Variants in RNF182 observed in about 807,000 individuals in gnomAD.
RNF182 encodes E3 ubiquitin-protein ligase RNF182.
Under a neutral mutation model 14.4 loss-of-function variants are expected in RNF182, and 15 were observed. That is an observed-to-expected ratio of 1.04 (90% confidence interval 0.70 to 1.60). RNF182 has a LOEUF of 1.60. Ranked by LOEUF, RNF182 falls within the 40% of genes most tolerant of loss-of-function variation. The pLI is 0.00. For missense variants in RNF182, 268 were observed against 294.8 expected (o/e 0.91, Z 0.67); for synonymous variants, 128 against 122.9 (o/e 1.04, Z -0.27).
At chr6:13,950,946 G>A (rs2113613808) in intron 1 of RNF182, among the ~76,000 whole-genome samples, 1 of 148,840 alleles carries the variant, frequency 6.7e-6, no homozygotes, top group East Asian at 2.0e-4. Context: ...ACAGTCGTGT[G>A]CCACCACACC....
chr6:13,965,973 T>C (rs1191777100), intron 1 of RNF182, among the ~76,000 whole-genome samples: 2 of 152,194 alleles, frequency 1.3e-5, no homozygotes, highest in African/African-American at 2.4e-5. Context: ...TGAGTTTCAG[T>C]TCTTTGATAC....
rs1462526237 is a variant in RNF182 at position 13,978,924 on chromosome 6, A to G, written c.*1061A>G. On this transcript the variant is annotated 3_prime_UTR_variant, in exon 3 of 3. Coordinates refer to ENST00000488300, the MANE Select transcript of RNF182 (RefSeq NM_152737.4). ...GAACCTAAGTATTTTGCTGTACGGT[A>G]CTGAGCTGTACCAAAATATGATGGT... 6.0e-6 allele frequency: 1 copy of G among 167,104 alleles called. No individual in the cohort carries two copies. The highest frequency in any genetic ancestry group is 1.9e-4 in the East Asian group (1 of 5,198). The allele number at this position is 167,104 out of a possible 1,614,324, so 10.4% of individuals were successfully genotyped here.
chr6:13,970,138 A>G (rs1760138337), intron 1 of RNF182, among the ~76,000 whole-genome samples: 1 of 152,150 alleles, frequency 6.6e-6, no homozygotes, highest in African/African-American at 2.4e-5. Context: ...ACTGTTTATT[A>G]TTTTTATATG....
chr6:13,961,310 G>T (rs747718365), intron 1 of RNF182, among the ~76,000 whole-genome samples: 2 of 152,132 alleles, frequency 1.3e-5, no homozygotes, highest in African/African-American at 4.8e-5. Context: ...ATTTCTAGTC[G>T]CATCCATATA....
At chr6:13,926,962 C>G (rs183512749) in intron 1 of RNF182, among the ~76,000 whole-genome samples, 5 of 152,234 alleles carry the variant, frequency 3.3e-5, no homozygotes, top group African/African-American at 1.2e-4. Context: ...TGCTGAAGAA[C>G]GGAGATATCC....
intron 1 of RNF182, among the ~76,000 whole-genome samples, chr6:13,959,361 G>A (rs538948999): frequency 5.3e-5 from 8 of 152,256 alleles, no homozygotes; most frequent in African/African-American, 9.6e-5. Flanking sequence ...CAGATTATAC[G>A]GTACCTTGCT....
chr6:13,943,196 A>C (rs1394518738), intron 1 of RNF182, among the ~76,000 whole-genome samples: 1 of 152,206 alleles, frequency 6.6e-6, no homozygotes, highest in Non-Finnish European at 1.5e-5. Flanking sequence ...AAAAATATTT[A>C]ATAACATATA....
chr6:13,954,140 C>T (rs944852010), intron 1 of RNF182, among the ~76,000 whole-genome samples: 4 of 152,126 alleles, frequency 2.6e-5, no homozygotes, highest in Admixed American at 1.3e-4. Context: ...TTATCTGCCC[C>T]CCTCCCCATT....
intron 1 of RNF182, among the ~76,000 whole-genome samples, chr6:13,932,670 C>A (rs540677437): frequency 6.6e-6 from 1 of 152,216 alleles, no homozygotes; most frequent in African/African-American, 2.4e-5. Context: ...ACATTTCAAT[C>A]AAAATAAATC....
rs1349379010 is a variant in RNF182 at position 13,978,886 on chromosome 6, T to A, written c.*1023T>A. The A allele has an allele frequency of 1.2e-5, 2 of 167,038 alleles. No homozygotes were observed. Among genetic ancestry groups the A allele is most frequent in the African/African-American group, 4.8e-5 (2 of 41,422 alleles). 10.3% of individuals were successfully genotyped at this position (167,038 alleles called of 1,614,324 possible). The stretch of plus-strand genomic sequence containing the variant: ...GTTAATGAGATGCTTCAGCTCACAG[T>A]TTGAAGTGCTGAGAACCTAAGTATT... On this transcript the variant is annotated 3_prime_UTR_variant, in exon 3 of 3. Coordinates refer to ENST00000488300, the MANE Select transcript of RNF182 (RefSeq NM_152737.4).
At chr6:13,949,536 C>T in intron 1 of RNF182, 1 of 512,760 alleles carries the variant, frequency 2.0e-6, no homozygotes, top group South Asian at 2.2e-5. Flanking sequence ...TTGAGGGAAT[C>T]TGTGTTCTGC....
chr6:13,930,030 A>G (rs544542722), intron 1 of RNF182, among the ~76,000 whole-genome samples: 155 of 152,344 alleles, frequency 1.0e-3, no homozygotes, highest in African/African-American at 3.6e-3. Context: ...ATTCGTATTC[A>G]TATATTAAAA....
intron 2 of RNF182, among the ~76,000 whole-genome samples, chr6:13,975,930 A>G (rs748423450): frequency 6.6e-6 from 1 of 152,210 alleles, no homozygotes; most frequent in South Asian, 2.1e-4. Flanking sequence ...GCTCCCTTCC[A>G]TTAGTACTGA....
At chr6:13,950,684 A>T (rs1211400455) in intron 1 of RNF182, among the ~76,000 whole-genome samples, 1 of 151,992 alleles carries the variant, frequency 6.6e-6, no homozygotes, top group African/African-American at 2.4e-5. Context: ...TTTAGTAGAG[A>T]TGGGGCTTCA....
At chr6:13,951,991 A>T (rs1354045608) in intron 1 of RNF182, among the ~76,000 whole-genome samples, 1 of 152,158 alleles carries the variant, frequency 6.6e-6, no homozygotes, top group African/African-American at 2.4e-5. Flanking sequence ...GTCATCTTTG[A>T]TCCACTTAAA....
At chr6:13,957,867 C>T (rs1358743838) in intron 1 of RNF182, among the ~76,000 whole-genome samples, 1 of 152,102 alleles carries the variant, frequency 6.6e-6, no homozygotes, top group East Asian at 1.9e-4. Context: ...TACAGAGAAA[C>T]AATCCTATGA....
At chr6:13,929,706 T>C (rs1320266648) in intron 1 of RNF182, among the ~76,000 whole-genome samples, 1 of 152,228 alleles carries the variant, frequency 6.6e-6, no homozygotes, top group Admixed American at 6.5e-5. Context: ...ATGATCACTT[T>C]CTGTTACGTT....
chr6:13,971,505 G>A (rs280158), intron 1 of RNF182, among the ~76,000 whole-genome samples: 63,769 of 151,882 alleles, frequency 0.42, 14,171 homozygotes, highest in Middle Eastern at 0.52. Context: ...CAGGAGTGGG[G>A]TACTGCTATA....
At chr6:13,938,572 G>T in intron 1 of RNF182, among the ~76,000 whole-genome samples, 1 of 151,972 alleles carries the variant, frequency 6.6e-6, no homozygotes, top group Admixed American at 6.6e-5. Context: ...AAGTTTTATT[G>T]TTTTACTTTT....
Sources: allele counts gnomAD v4.1 joint callset (sites outside exome capture counted in the v4.1 genomes callset), GRCh38; gene constraint gnomAD v4.1.1; transcripts MANE v1.5; gene names NCBI Gene and HGNC (gene_info 2026-07-23, HGNC 2026-07-21).